TMEM117: variants seen among roughly 807,000 people sequenced by gnomAD.
The protein encoded by TMEM117 is transmembrane protein 117.
A neutral mutation model predicts 52.4 loss-of-function variants in TMEM117; 27 were observed. The observed-to-expected ratio is 0.51, with a 90% CI of 0.38 to 0.71. TMEM117 has a LOEUF of 0.71. Ranked by LOEUF, TMEM117 falls within the 30% of genes least tolerant of loss-of-function variation. The probability of loss-of-function intolerance (pLI) is 0.00; values close to 1 mark genes in which losing one functional copy is unlikely to be tolerated. For synonymous variants in TMEM117, 215 were observed against 206.3 expected, an observed-to-expected ratio of 1.04 and a Z score of -0.36; for missense variants, 556 against 630.5, an observed-to-expected ratio of 0.88 and a Z score of 1.26.
intron 3 of TMEM117, among the ~76,000 whole-genome samples, chr12:43,999,538 G>A (rs900414169): frequency 4.6e-5 from 7 of 152,170 alleles, no homozygotes; most frequent in African/African-American, 1.7e-4. Context: ...GGAGTGCAGT[G>A]TTACAGTCTT....
At chr12:44,340,198 A>G (rs1951398550) in intron 6 of TMEM117, among the ~76,000 whole-genome samples, 1 of 152,258 alleles carries the variant, frequency 6.6e-6, no homozygotes, top group African/African-American at 2.4e-5. Flanking sequence ...GTTGGATCAC[A>G]ACCTGACTCC....
chr12:44,307,211 C>T (rs1056848733), intron 6 of TMEM117, among the ~76,000 whole-genome samples: 5 of 152,144 alleles, frequency 3.3e-5, no homozygotes, highest in African/African-American at 1.2e-4. Context: ...GGCAGAGCAA[C>T]AAGCATAAAC....
chr12:44,197,867 A>G (rs1949441930), intron 4 of TMEM117, among the ~76,000 whole-genome samples: 1 of 152,198 alleles, frequency 6.6e-6, no homozygotes, highest in African/African-American at 2.4e-5. Flanking sequence ...AAAGCAGGGC[A>G]GGCTATCATT....
intron 2 of TMEM117, among the ~76,000 whole-genome samples, chr12:43,850,040 G>C (rs1270330686): frequency 6.6e-6 from 1 of 152,136 alleles, no homozygotes; most frequent in Non-Finnish European, 1.5e-5. Flanking sequence ...GCAGGTCTGT[G>C]CAAACCTATC....
At chr12:43,940,759 G>C (rs1486098524) in intron 2 of TMEM117, among the ~76,000 whole-genome samples, 2 of 152,114 alleles carry the variant, frequency 1.3e-5, no homozygotes, top group African/African-American at 2.4e-5. Context: ...AGCCAGGCTG[G>C]TCTCGAACTC....
intron 6 of TMEM117, among the ~76,000 whole-genome samples, chr12:44,349,460 G>A (rs2138774818): frequency 6.6e-6 from 1 of 151,992 alleles, no homozygotes; most frequent in East Asian, 1.9e-4. Flanking sequence ...AATTGATAAT[G>A]GAGGAAATTA....
At chr12:44,362,749 A>G (rs1951737862) in intron 6 of TMEM117, among the ~76,000 whole-genome samples, 1 of 152,094 alleles carries the variant, frequency 6.6e-6, no homozygotes, top group Non-Finnish European at 1.5e-5. Flanking sequence ...CAGAAGAGCA[A>G]TCTGAAGACT....
intron 3 of TMEM117, among the ~76,000 whole-genome samples, chr12:44,045,303 A>G (rs1455773301): frequency 6.6e-6 from 1 of 152,120 alleles, no homozygotes; most frequent in Non-Finnish European, 1.5e-5. Flanking sequence ...TGAGCCCTTG[A>G]TATGGCACCA....
intron 3 of TMEM117, among the ~76,000 whole-genome samples, chr12:43,952,756 A>G (rs1487317779): frequency 2.0e-5 from 3 of 152,188 alleles, no homozygotes; most frequent in African/African-American, 7.2e-5. Context: ...CCAGCCTAGT[A>G]AGACAGACCA....
chr12:44,387,438 T>C (rs1296278946), intron 7 of TMEM117, among the ~76,000 whole-genome samples: 1 of 152,094 alleles, frequency 6.6e-6, no homozygotes, highest in African/African-American at 2.4e-5. Flanking sequence ...TAAATGCATT[T>C]TGTTCAATGA....
chr12:44,202,320 G>A (rs1949506597), intron 4 of TMEM117, among the ~76,000 whole-genome samples: 1 of 152,060 alleles, frequency 6.6e-6, no homozygotes. Flanking sequence ...GTTCTTTGAT[G>A]CCTAGTTTGT....
At chr12:44,164,166 G>GA (rs1438384026) in intron 4 of TMEM117, among the ~76,000 whole-genome samples, 2 of 152,192 alleles carry the variant, frequency 1.3e-5, no homozygotes, top group African/African-American at 2.4e-5. Flanking sequence ...GCCAAAGTCA[G>GA]AAAAACATAC....
rs532574179 is a variant in TMEM117 at position 44,272,325 on chromosome 12, A to T, written c.609-27255A>T. Among the ~76,000 whole-genome samples, 4 of 152,024 alleles carry T rather than the reference A, an allele frequency of 2.6e-5. No individual in the cohort carries two copies. In the East Asian group the frequency reaches 5.8e-4, roughly 22 times the overall value. On this transcript the variant is annotated intron_variant, in intron 5 of 7. Coordinates refer to ENST00000266534, the MANE Select transcript of TMEM117 (RefSeq NM_032256.3). ...ATTCTATCAGACATTTAAAGAACTA[A>T]TACCAAAACACCAAAAGCAATGGCA...
intron 4 of TMEM117, among the ~76,000 whole-genome samples, chr12:44,155,092 T>C (rs1385125353): frequency 6.6e-6 from 1 of 152,106 alleles, no homozygotes; most frequent in Non-Finnish European, 1.5e-5. Flanking sequence ...CAGCCACCTT[T>C]TTGCAACAAA....
At chr12:44,117,314 A>G (rs1309630315) in intron 3 of TMEM117, among the ~76,000 whole-genome samples, 3 of 152,146 alleles carry the variant, frequency 2.0e-5, no homozygotes, top group East Asian at 1.9e-4. Flanking sequence ...CCGTTTGCAC[A>G]TGGAAGCTTT....
intron 3 of TMEM117, among the ~76,000 whole-genome samples, chr12:44,064,880 T>C (rs1947198362): frequency 6.6e-6 from 1 of 152,096 alleles, no homozygotes; most frequent in African/African-American, 2.4e-5. Flanking sequence ...TTGCTAGGAG[T>C]AGATTTTAGG....
chr12:44,333,764 T>A (rs985101090), intron 6 of TMEM117, among the ~76,000 whole-genome samples: 5 of 151,960 alleles, frequency 3.3e-5, no homozygotes, highest in African/African-American at 4.8e-5. Flanking sequence ...TACACATAGG[T>A]ACAAGTTGTG....
intron 6 of TMEM117, among the ~76,000 whole-genome samples, chr12:44,320,617 GACC>G: frequency 6.6e-6 from 1 of 152,162 alleles, no homozygotes; most frequent in African/African-American, 2.4e-5. Context: ...AAATAGTACA[GACC>G]TTTGCATGTG....
At chr12:44,051,464 G>A (rs1431741993) in intron 3 of TMEM117, among the ~76,000 whole-genome samples, 1 of 152,100 alleles carries the variant, frequency 6.6e-6, no homozygotes, top group Middle Eastern at 3.2e-3. Flanking sequence ...AAGCCCAAAA[G>A]TATATAATTA....
Sources: allele counts gnomAD v4.1 joint callset (sites outside exome capture counted in the v4.1 genomes callset), GRCh38; gene constraint gnomAD v4.1.1; transcripts MANE v1.5; gene names NCBI Gene and HGNC (gene_info 2026-07-23, HGNC 2026-07-21).